TOGARAM2: variants seen among roughly 807,000 people sequenced by gnomAD.
TOGARAM2 encodes the protein TOG array regulator of axonemal microtubules protein 2.
Under a neutral mutation model 93.3 loss-of-function variants are expected in TOGARAM2, and 85 were observed. That is an observed-to-expected ratio of 0.91 (90% CI 0.76 to 1.09). The LOEUF is 1.09. Ranked by LOEUF, TOGARAM2 falls within the 50% of genes least tolerant of loss-of-function variation. The pLI is 0.00. For missense variants in TOGARAM2, 1,277 were observed against 1,334.5 expected, an observed-to-expected ratio of 0.96 and a Z score of 0.67; for synonymous variants, 593 against 552.8, an observed-to-expected ratio of 1.07 and a Z score of -1.02.
Position 28,969,495 on chromosome 2 carries a change from T to C in TOGARAM2, c.-147+12798T>C, listed in dbSNP as rs544332950. Among the ~76,000 whole-genome samples, 19 of 152,312 alleles carry C rather than the reference T, an allele frequency of 1.2e-4. No individual in the cohort carries two copies. The South Asian group carries it at 3.7e-3, about 30-fold the overall frequency. ...CAGAAGACAGGAGGCCCAATGGGAC[T>C]TGGGTCACTCACACCAATGGGTCAT... On this transcript the variant is annotated intron_variant, in intron 1 of 6. Transcript: ENST00000401723.
At chr2:28,972,245 C>T (rs181064516) in intron 1 of TOGARAM2, among the ~76,000 whole-genome samples, 20 of 152,236 alleles carry the variant, frequency 1.3e-4, no homozygotes, top group Admixed American at 7.9e-4. Context: ...CGTGCCAGCA[C>T]GCGTGGCTAA....
At chr2:28,965,025 C>T (rs1302166072) in intron 1 of TOGARAM2, among the ~76,000 whole-genome samples, 1 of 152,002 alleles carries the variant, frequency 6.6e-6, no homozygotes, top group Non-Finnish European at 1.5e-5. Context: ...TTGCTGGGTC[C>T]AATGGTATTT....
At position 29,022,138 on chromosome 2, in the gene TOGARAM2, T is replaced by A; in HGVS notation, c.1361-20T>A. ...CTGTCCTGCTGCGTGAAGCCTGCTG[T>A]TTCTTTCTTGTGAATGCAGCTAACT... On this transcript the variant is annotated intron_variant, in intron 10 of 19. Coordinates refer to ENST00000379558, the MANE Select transcript of TOGARAM2 (RefSeq NM_199280.4). 1 of 1,613,872 alleles carries A rather than the reference T, an allele frequency of 6.2e-7. No homozygotes were observed. The highest frequency in any genetic ancestry group is 8.5e-7 in the Non-Finnish European group (1 of 1,179,846).
intron 2 of TOGARAM2, among the ~76,000 whole-genome samples, chr2:28,995,132 G>A (rs1210383371): frequency 6.6e-6 from 1 of 152,238 alleles, no homozygotes; most frequent in African/African-American, 2.4e-5. Flanking sequence ...AGGGTGGTTG[G>A]TTCCTTGAGG....
intron 6 of TOGARAM2, among the ~76,000 whole-genome samples, chr2:29,009,772 G>T (rs962683345): frequency 6.6e-6 from 1 of 152,058 alleles, no homozygotes; most frequent in African/African-American, 2.4e-5. Context: ...GGGCTTTGCT[G>T]CTCCTGCTCC....
At position 29,002,733 on chromosome 2, in the gene TOGARAM2, C is replaced by G; in HGVS notation, c.625C>G (p.Pro209Ala). 6.2e-7 allele frequency: 1 copy of G among 1,613,466 alleles called. No individual in the cohort carries two copies. The highest frequency in any genetic ancestry group is 2.2e-5 in the East Asian group (1 of 44,868). The change falls in exon 5 of 20, where the codon CCC becomes GCC. Residue 209 changes from proline to alanine, a missense_variant. By Grantham distance (27) the Pro-to-Ala change is conservative (BLOSUM62 -1). Coordinates refer to ENST00000379558, the MANE Select transcript of TOGARAM2 (RefSeq NM_199280.4). ...GSIPGPHELRPGAQEAQISWQ... is the reference protein window; with the variant it reads ...GSIPGPHELRAGAQEAQISWQ... Reference sequence around the variant, plus strand: ...CATTCCGGGTCCTCACGAGTTGAGACCCGGTGCTCAGGAGGTAAGGTGGTT... The same window carrying G: ...CATTCCGGGTCCTCACGAGTTGAGAGCCGGTGCTCAGGAGGTAAGGTGGTT...
intron 1 of TOGARAM2, among the ~76,000 whole-genome samples, chr2:28,975,580 C>T (rs2148227123): frequency 6.6e-6 from 1 of 152,224 alleles, no homozygotes; most frequent in East Asian, 1.9e-4. Context: ...ATTTAGAAAT[C>T]CTTGTTAGAG....
Position 29,051,761 on chromosome 2 carries a change from G to T in TOGARAM2, c.2728G>T (p.Val910Leu). Residue 910 changes from valine to leucine, a missense_variant, in exon 20 of 20, where the codon GTG becomes TTG. By Grantham distance (32) the Val-to-Leu change is conservative (BLOSUM62 1). Coordinates refer to ENST00000379558, the MANE Select transcript of TOGARAM2 (RefSeq NM_199280.4). ...LDVTDRLAVL[V>L]ASVYPRKPQA... Reference sequence around the variant, plus strand: ...TCTCCTTTTCTGCCTGACAGTGCTGGTGGCCTCAGTTTACCCCCGGAAGCC... The same window carrying T: ...TCTCCTTTTCTGCCTGACAGTGCTGTTGGCCTCAGTTTACCCCCGGAAGCC... The T allele has an allele frequency of 6.6e-7, 1 of 1,504,108 alleles. No homozygotes were observed. Among genetic ancestry groups the T allele is most frequent in the Non-Finnish European group, 8.9e-7 (1 of 1,117,438 alleles). The allele number at this position is 1,504,108 out of a possible 1,614,324, so 93.2% of individuals were successfully genotyped here. A position where few individuals can be genotyped will look rare whatever the true frequency, so the allele number is the denominator to read the frequency against.
At chr2:28,986,419 G>A (rs943570933) in intron 1 of TOGARAM2, among the ~76,000 whole-genome samples, 1 of 152,094 alleles carries the variant, frequency 6.6e-6, no homozygotes, top group Non-Finnish European at 1.5e-5. Context: ...CACATTCCTC[G>A]GCTGCGTTGG....
At chr2:28,969,742 A>T (rs188479687) in intron 1 of TOGARAM2, among the ~76,000 whole-genome samples, 24 of 152,192 alleles carry the variant, frequency 1.6e-4, no homozygotes, top group African/African-American at 5.5e-4. Flanking sequence ...GCTCTGACAC[A>T]CAATAGATGC....
At chr2:29,037,342 A>T (rs780553029) in intron 18 of TOGARAM2, among the ~76,000 whole-genome samples, 7 of 152,150 alleles carry the variant, frequency 4.6e-5, no homozygotes, top group African/African-American at 1.2e-4. Flanking sequence ...GCAAATTCCA[A>T]ACTTTAGGTG....
intron 7 of TOGARAM2, among the ~76,000 whole-genome samples, 162 bp downstream of exon 7, chr2:29,011,663 G>T (rs1003851874): frequency 6.6e-6 from 1 of 152,214 alleles, no homozygotes; most frequent in African/African-American, 2.4e-5. Flanking sequence ...CTAACCGGAG[G>T]GTGGCAGCGG....
At chr2:28,982,064 T>G (rs1005357768) in intron 1 of TOGARAM2, among the ~76,000 whole-genome samples, 2 of 152,222 alleles carry the variant, frequency 1.3e-5, no homozygotes, top group Non-Finnish European at 2.9e-5. Context: ...TTGAGCTCTT[T>G]GCCTCTCTGA....
chr2:28,973,465 T>TCCTGCCTTCCTTCCTTCCTC (rs1671982210), intron 1 of TOGARAM2, among the ~76,000 whole-genome samples: 5 of 60,820 alleles, frequency 8.2e-5, no homozygotes, highest in Admixed American at 1.8e-4. Context: ...CTTCCTTCCT[T>TCCTGCCTTCCTTCCTTCCTC]CCTCCCTCCC....
At chr2:28,991,766 G>T (rs749539534) in intron 1 of TOGARAM2, among the ~76,000 whole-genome samples, 1 of 152,162 alleles carries the variant, frequency 6.6e-6, no homozygotes, top group Non-Finnish European at 1.5e-5. Flanking sequence ...GCTAGCTTTT[G>T]TTCCCTTTCC....
chr2:29,027,248 A>G (rs777697678), intron 14 of TOGARAM2, among the ~76,000 whole-genome samples: 2 of 151,926 alleles, frequency 1.3e-5, no homozygotes, highest in Non-Finnish European at 2.9e-5. Flanking sequence ...CCTCTTACCC[A>G]TTGAGTGTTG....
At chr2:29,024,457 A>T in intron 13 of TOGARAM2, 83 bp downstream of exon 13, 2 of 474,122 alleles carry the variant, frequency 4.2e-6, no homozygotes, top group Non-Finnish European at 8.0e-6. Flanking sequence ...TGAAAGAAGG[A>T]GGGAAGGGTG....
intron 7 of TOGARAM2, among the ~76,000 whole-genome samples, chr2:29,012,484 T>C (rs1184868934): frequency 1.3e-5 from 2 of 152,140 alleles, no homozygotes; most frequent in Non-Finnish European, 2.9e-5. Context: ...ACCGGCACCC[T>C]GAGTGACCTT....
chr2:29,027,761 G>A (rs1665499579), intron 14 of TOGARAM2, among the ~76,000 whole-genome samples: 1 of 152,144 alleles, frequency 6.6e-6, no homozygotes, highest in Admixed American at 6.5e-5. Flanking sequence ...TTTTTTAAGA[G>A]TGACATTTGA....
Sources: gnomAD v4.1 joint callset for allele counts (sites outside exome capture counted in the v4.1 genomes callset) on GRCh38, gnomAD v4.1.1 for gene constraint, MANE v1.5 for transcripts, NCBI Gene and HGNC (gene_info 2026-07-23, HGNC 2026-07-21) for gene names.